Variants in VPS53 observed in about 807,000 individuals in gnomAD.
VPS53 encodes the protein vacuolar protein sorting-associated protein 53 homolog.
A neutral mutation model predicts 107.0 loss-of-function variants in VPS53; 70 were observed. That is an observed-to-expected ratio of 0.65 (90% CI 0.54 to 0.80). The LOEUF is 0.80. Ranked by LOEUF, VPS53 falls within the 30% of genes least tolerant of loss-of-function variation. The pLI is 0.00. For synonymous variants in VPS53, 409 were observed against 393.3 expected (o/e 1.04, Z -0.47); for missense variants, 917 against 1,049.4 (o/e 0.87, Z 1.74).
chr17:548,611 GCCAA>G (rs1310123543), intron 17 of VPS53, among the ~76,000 whole-genome samples: 2 of 131,586 alleles, frequency 1.5e-5, no homozygotes, highest in African/African-American at 5.8e-5. Flanking sequence ...ACTTTGGCCA[GCCAA>G]CAGTCCTTCT....
chr17:541,683 C>G (rs1910678189), intron 17 of VPS53, among the ~76,000 whole-genome samples: 1 of 145,780 alleles, frequency 6.9e-6, no homozygotes, highest in Non-Finnish European at 1.5e-5. Flanking sequence ...GAATGTTTAT[C>G]AAGCACCTAC....
chr17:610,865 G>C (rs1308001537), intron 11 of VPS53, among the ~76,000 whole-genome samples: 1 of 148,088 alleles, frequency 6.8e-6, no homozygotes, highest in East Asian at 2.0e-4. Context: ...TTGAACCCAG[G>C]AGGCAGAGGT....
At chr17:625,462 G>A (rs1279383960) in intron 10 of VPS53, among the ~76,000 whole-genome samples, 1 of 137,398 alleles carries the variant, frequency 7.3e-6, no homozygotes, top group Non-Finnish European at 1.6e-5. Flanking sequence ...AACACTGCGA[G>A]ACCCCCATCT....
intron 7 of VPS53, among the ~76,000 whole-genome samples, chr17:637,045 C>A (rs1297279692): frequency 6.6e-6 from 1 of 152,130 alleles, no homozygotes. Context: ...TCCATCTGGT[C>A]CTGGACTTTT....
chr17:611,254 T>G (rs933943142), intron 11 of VPS53, among the ~76,000 whole-genome samples: 5 of 152,196 alleles, frequency 3.3e-5, no homozygotes, highest in African/African-American at 1.2e-4. Context: ...CCTGAGGTGA[T>G]GCTCCCACCT....
intron 11 of VPS53, among the ~76,000 whole-genome samples, chr17:620,154 C>G (rs571026417): frequency 6.6e-6 from 1 of 152,110 alleles, no homozygotes; most frequent in African/African-American, 2.4e-5. Flanking sequence ...TTTGTGGTTT[C>G]AGCTGCATTT....
At chr17:596,750 C>T (rs528959701) in intron 12 of VPS53, among the ~76,000 whole-genome samples, 1 of 152,290 alleles carries the variant, frequency 6.6e-6, no homozygotes, top group East Asian at 1.9e-4. Flanking sequence ...TCCCTTTGCA[C>T]CAAGCAACTG....
intron 4 of VPS53, among the ~76,000 whole-genome samples, chr17:671,249 A>AGAC (rs1485078032): frequency 1.8e-4 from 23 of 125,774 alleles, no homozygotes; most frequent in African/African-American, 6.5e-4. Flanking sequence ...AGAAAGAAGA[A>AGAC]AGGAAAAGGA....
At chr17:657,376 G>C (rs1216187055) in intron 5 of VPS53, 1 of 782,978 alleles carries the variant, frequency 1.3e-6, no homozygotes, top group Non-Finnish European at 2.3e-6. Context: ...ATGAACCGCT[G>C]CATGCAAATC....
rs547831422 is a variant in VPS53 at position 636,252 on chromosome 17, T to C, written c.609-4624A>G. Among the ~76,000 whole-genome samples, 8 of 152,358 alleles carry C rather than the reference T, an allele frequency of 5.3e-5. No individual in the cohort carries two copies. In the East Asian group the frequency reaches 9.6e-4, roughly 18 times the overall value. On this transcript the variant is annotated intron_variant, in intron 7 of 21. Transcript: ENST00000437048. ...TGGTGCATAAGAATGCTTGTGATTT[T>C]TGCACACTGATTTTGTCTCCTGAGA...
chr17:531,488 A>G (rs1410330325), intron 19 of VPS53, among the ~76,000 whole-genome samples: 1 of 152,150 alleles, frequency 6.6e-6, no homozygotes, highest in African/African-American at 2.4e-5. Flanking sequence ...TGAGCTTACT[A>G]TAATCATTAA....
At chr17:637,753 C>G (rs765333855) in intron 7 of VPS53, among the ~76,000 whole-genome samples, 7 of 152,318 alleles carry the variant, frequency 4.6e-5, no homozygotes, top group African/African-American at 1.4e-4. Flanking sequence ...ACCCTGAGCT[C>G]TAGTTTGATT....
chr17:714,603 C>T lies in VPS53; in HGVS notation c.87+20G>A. 2.5e-6 allele frequency: 4 copies of T among 1,604,014 alleles called. No homozygotes were observed. The highest frequency in any genetic ancestry group is 3.4e-6 in the Non-Finnish European group (4 of 1,174,622). ...CCCTCCCGCACTCCCGTTTCCCCTCCTGAGGGGCGGAACGCTTACCTGCTC... is the reference window on the plus strand; with the variant it reads ...CCCTCCCGCACTCCCGTTTCCCCTCTTGAGGGGCGGAACGCTTACCTGCTC... On this transcript the variant is annotated intron_variant, in intron 1 of 21. Coordinates refer to ENST00000437048, the MANE Select transcript of VPS53 (RefSeq NM_001128159.3).
intron 14 of VPS53, among the ~76,000 whole-genome samples, chr17:561,607 T>C (rs1048915820): frequency 6.6e-6 from 1 of 152,164 alleles, no homozygotes; most frequent in South Asian, 2.1e-4. Flanking sequence ...CTTTGGGTAG[T>C]GGGATTATAC....
Position 710,578 on chromosome 17 carries a change from A to G in VPS53, c.123T>C (p.Asp41=), listed in dbSNP as rs1973600964. 1 of 1,614,120 alleles carries G rather than the reference A, an allele frequency of 6.2e-7. No individual in the cohort carries two copies. Among genetic ancestry groups the G allele is most frequent in the East Asian group, 2.2e-5 (1 of 44,880 alleles). Residue 41 remains aspartate (D), a synonymous_variant, in exon 2 of 22, where the codon GAT becomes GAC. Transcript: ENST00000437048. ...FPSQDPLDRA[D]FNAVEYINTL... ...TATTGATATACTCAACAGCATTGAA[A>G]TCTGCTCGATCTAGAGGGTCCTGGC...
intron 11 of VPS53, among the ~76,000 whole-genome samples, chr17:614,397 T>G (rs1306313498): frequency 6.6e-6 from 1 of 152,214 alleles, no homozygotes; most frequent in African/African-American, 2.4e-5. Context: ...TTGGATGACT[T>G]TTTTCCTGCT....
intron 7 of VPS53, among the ~76,000 whole-genome samples, chr17:651,437 CAA>C (rs1970944862): frequency 6.6e-6 from 1 of 152,164 alleles, no homozygotes; most frequent in Non-Finnish European, 1.5e-5. Context: ...AAAAAAGTAA[CAA>C]AGTTAGTTGG....
At chr17:633,214 C>T (rs1014776119) in intron 7 of VPS53, among the ~76,000 whole-genome samples, 2 of 152,176 alleles carry the variant, frequency 1.3e-5, no homozygotes, top group African/African-American at 4.8e-5. Flanking sequence ...GTCCCGCAAT[C>T]GATCACGCCC....
chr17:600,813 A>C (rs1398771306), intron 12 of VPS53: 2 of 152,254 alleles, frequency 1.3e-5, no homozygotes, highest in Non-Finnish European at 2.9e-5. Flanking sequence ...AAGAGGCAGG[A>C]ATTGTGACGA....
Sources: gnomAD v4.1 joint callset for allele counts (sites outside exome capture counted in the v4.1 genomes callset) on GRCh38, gnomAD v4.1.1 for gene constraint, MANE v1.5 for transcripts, NCBI Gene and HGNC (gene_info 2026-07-23, HGNC 2026-07-21) for gene names.